Variants in RYR3 observed in about 807,000 individuals in gnomAD.
RYR3 encodes ryanodine receptor 3, also known as brain ryanodine receptor-calcium release channel.
Under a neutral mutation model 584.3 loss-of-function variants are expected in RYR3, and 207 were observed. That is an observed-to-expected ratio of 0.35 (90% CI 0.32 to 0.40). The LOEUF (loss-of-function observed/expected upper bound fraction) is 0.40, where lower values mean the gene tolerates loss of function less well. Among genes scored for constraint, RYR3 ranks in the 10% least tolerant of loss-of-function variants. The pLI is 1.00. For synonymous variants in RYR3, 2,416 were observed against 2,248.5 expected, an observed-to-expected ratio of 1.07 and a Z score of -2.11; for missense variants, 5,616 against 6,089.2, an observed-to-expected ratio of 0.92 and a Z score of 2.59.
At chr15:33,729,378 T>A (rs2068746006) in intron 47 of RYR3, among the ~76,000 whole-genome samples, 1 of 152,006 alleles carries the variant, frequency 6.6e-6, no homozygotes, top group South Asian at 2.1e-4. Context: ...CCTGCCAAAA[T>A]CAATTTCAGA....
chr15:33,592,764 C>A (rs900086010), intron 16 of RYR3, among the ~76,000 whole-genome samples: 2 of 152,164 alleles, frequency 1.3e-5, no homozygotes, highest in African/African-American at 4.8e-5. Flanking sequence ...ATCTGCACTC[C>A]CTTTTCTTTT....
rs1298145116 is a variant in RYR3, at chr15:33,311,051, C to G, written c.6C>G (p.Ala2=). The change falls in exon 1 of 104, where the codon GCC becomes GCG. Residue 2 remains alanine (A), a synonymous_variant. Coordinates refer to ENST00000634891, the MANE Select transcript of RYR3 (RefSeq NM_001036.6). The surrounding 1 kb of genome is among the most constrained non-coding windows in gnomAD (Gnocchi z 4.4). ...CCGCCGACGCCTCGGGAGCCATGGC[C>G]GAAGGGGGAGAAGGAGGCGAGGACG... is the stretch of plus-strand genomic sequence containing the variant. M[A]EGGEGGEDEI... 1.9e-6 allele frequency: 3 copies of G among 1,579,956 alleles called. No homozygotes were observed. Among genetic ancestry groups the G allele is most frequent in the Admixed American group, 1.8e-5 (1 of 56,414 alleles).
intron 1 of RYR3, among the ~76,000 whole-genome samples, chr15:33,376,736 G>A (rs1453156029): frequency 1.3e-5 from 2 of 152,210 alleles, no homozygotes; most frequent in Non-Finnish European, 2.9e-5. Context: ...TTCTCTTCTA[G>A]AAGTTTTATG....
At chr15:33,319,283 A>G (rs1968624694) in intron 1 of RYR3, among the ~76,000 whole-genome samples, 1 of 150,278 alleles carries the variant, frequency 6.7e-6, no homozygotes, top group African/African-American at 2.5e-5. Context: ...ACCGGGGCAG[A>G]AGGAGAGATC....
At chr15:33,462,463 T>C (rs1202192520) in intron 1 of RYR3, among the ~76,000 whole-genome samples, 1 of 152,100 alleles carries the variant, frequency 6.6e-6, no homozygotes, top group Non-Finnish European at 1.5e-5. Context: ...AAAACAAAAG[T>C]GGATGTGCTG....
intron 43 of RYR3, among the ~76,000 whole-genome samples, chr15:33,718,005 T>G (rs573495119): frequency 6.6e-6 from 1 of 152,348 alleles, no homozygotes; most frequent in Admixed American, 6.5e-5. Context: ...TTGGAATCAC[T>G]TAGTTCATAC....
At chr15:33,502,425 G>T (rs999972779) in intron 2 of RYR3, among the ~76,000 whole-genome samples, 1 of 152,194 alleles carries the variant, frequency 6.6e-6, no homozygotes, top group South Asian at 2.1e-4. Flanking sequence ...AGGCATGGCT[G>T]TCGGTAGTTT....
intron 10 of RYR3, among the ~76,000 whole-genome samples, chr15:33,560,349 G>A (rs1173408200): frequency 1.3e-5 from 2 of 152,176 alleles, no homozygotes; most frequent in African/African-American, 4.8e-5. Flanking sequence ...GTAGAATTTG[G>A]AAGCCGATGC....
chr15:33,763,375 A>G (rs2072677819), intron 60 of RYR3, among the ~76,000 whole-genome samples: 1 of 152,166 alleles, frequency 6.6e-6, no homozygotes, highest in South Asian at 2.1e-4. Flanking sequence ...TCTGTCTGAC[A>G]AAGGGCTAAT....
intron 81 of RYR3, among the ~76,000 whole-genome samples, 159 bp downstream of exon 81, chr15:33,823,231 C>A (rs1052413292): frequency 1.3e-5 from 2 of 152,294 alleles, no homozygotes; most frequent in African/African-American, 4.8e-5. Context: ...TTCCTCCAGC[C>A]TTCAGGATGA....
chr15:33,364,510 C>T (rs1007142368), intron 1 of RYR3, among the ~76,000 whole-genome samples: 19 of 152,226 alleles, frequency 1.2e-4, no homozygotes, highest in Admixed American at 1.1e-3. Flanking sequence ...CTTGCAAAAC[C>T]ATAGGCACAA....
intron 43 of RYR3, among the ~76,000 whole-genome samples, chr15:33,711,018 T>C (rs1435091153): frequency 6.6e-6 from 1 of 152,226 alleles, no homozygotes; most frequent in Non-Finnish European, 1.5e-5. Flanking sequence ...GGCTCCCTTT[T>C]AGTCATGCAA....
chr15:33,519,263 T>G (rs895897305), intron 3 of RYR3, among the ~76,000 whole-genome samples: 2 of 152,124 alleles, frequency 1.3e-5, no homozygotes, highest in African/African-American at 4.8e-5. Context: ...ACACATAGAT[T>G]TTGTAGTAGG....
intron 9 of RYR3, among the ~76,000 whole-genome samples, chr15:33,548,510 G>A (rs2056422728): frequency 6.6e-6 from 1 of 152,198 alleles, no homozygotes; most frequent in African/African-American, 2.4e-5. Flanking sequence ...TCTTAAACAG[G>A]TTCTCTGGAA....
chr15:33,596,496 G>GCC (rs1555547356), intron 16 of RYR3, among the ~76,000 whole-genome samples: 1 of 13,404 alleles, frequency 7.5e-5, no homozygotes, highest in African/African-American at 2.4e-4. Flanking sequence ...TTCTTTTTTT[G>GCC]GGGGGGGGGG....
chr15:33,437,724 C>G (rs187125196), intron 1 of RYR3, among the ~76,000 whole-genome samples: 21 of 152,232 alleles, frequency 1.4e-4, no homozygotes, highest in Admixed American at 3.3e-4. Context: ...ACCACATTAT[C>G]CTACTATAAC....
intron 20 of RYR3, 61 bp from the exon 21 acceptor site, chr15:33,628,410 T>C: frequency 8.1e-7 from 1 of 1,240,728 alleles, no homozygotes; most frequent in Non-Finnish European, 1.2e-6. Context: ...GCCCAGCTCC[T>C]ATAGATTTTA....
intron 1 of RYR3, among the ~76,000 whole-genome samples, chr15:33,325,565 T>G (rs889174047): frequency 6.6e-6 from 1 of 152,192 alleles, no homozygotes; most frequent in Non-Finnish European, 1.5e-5. Flanking sequence ...TATTTCTCCT[T>G]TAGGGTCCTG....
At position 33,726,382 on chromosome 15, in the gene RYR3, C is replaced by T. The variant is rs2068459985; in HGVS notation, c.6913-4C>T. On this transcript the variant is annotated splice_region_variant and splice_polypyrimidine_tract_variant and intron_variant, in intron 45 of 103. Transcript: ENST00000634891. ...CTAATGTCATTCTCAACCCTATCTT[C>T]CAGCTCATCCAGACAGGAAAGGGGG... The T allele has an allele frequency of 6.2e-7, 1 of 1,612,986 alleles. No homozygotes were observed. The highest frequency in any genetic ancestry group is 8.5e-7 in the Non-Finnish European group (1 of 1,179,580).
Sources: gnomAD v4.1 joint callset for allele counts (sites outside exome capture counted in the v4.1 genomes callset) on GRCh38, gnomAD v4.1.1 for gene constraint, Gnocchi (gnomAD v3.1) non-coding constraint, MANE v1.5 for transcripts, NCBI Gene and HGNC (gene_info 2026-07-23, HGNC 2026-07-21) for gene names.